The following FRAS1 variants were observed in gnomAD, a reference collection of about 807,000 sequenced individuals.
The protein encoded by FRAS1 is extracellular matrix organizing protein FRAS1.
Under a neutral mutation model 435.2 loss-of-function variants are expected in FRAS1, and 290 were observed. The observed-to-expected ratio is 0.67, with a 90% CI of 0.61 to 0.73. FRAS1 has a LOEUF of 0.73. FRAS1 is among the 30% of genes least tolerant of loss of function. FRAS1 has a pLI of 0.00. For missense variants in FRAS1, 4,860 were observed against 5,001.5 expected (o/e 0.97, Z 0.85); for synonymous variants, 1,800 against 1,851.0 (o/e 0.97, Z 0.71).
At chr4:78,514,235 G>A (rs1215578782) in intron 65 of FRAS1, among the ~76,000 whole-genome samples, 2 of 152,208 alleles carry the variant, frequency 1.3e-5, no homozygotes, top group African/African-American at 2.4e-5. Flanking sequence ...TGCCCCGCAA[G>A]GGCATGACCT....
rs543273435 is a variant in FRAS1, at chr4:78,512,031, A to C, written c.10013+525A>C. 2.6e-5 allele frequency among the ~76,000 whole-genome samples: 4 copies of C among 152,300 alleles called. No homozygotes were observed. The South Asian group carries it at 8.3e-4, about 32-fold the overall frequency. The stretch of plus-strand genomic sequence containing the variant: ...CTGAAGACCATGAGTATGTATTTTG[A>C]GTATCTTCTGCCAGTATAGTGCTTC... On this transcript the variant is annotated intron_variant, in intron 64 of 73. Transcript: ENST00000512123.
At chr4:78,108,817 T>C (rs947290400) in intron 2 of FRAS1, among the ~76,000 whole-genome samples, 2 of 123,666 alleles carry the variant, frequency 1.6e-5, no homozygotes, top group African/African-American at 3.3e-5. Context: ...AGGAGCTGGT[T>C]TTTTGAAAGG....
At chr4:78,126,945 C>A (rs1719394020) in intron 2 of FRAS1, among the ~76,000 whole-genome samples, 1 of 152,140 alleles carries the variant, frequency 6.6e-6, no homozygotes, top group Non-Finnish European at 1.5e-5. Context: ...TCAGAATAAG[C>A]CCCAACCATT....
chr4:78,193,956 G>A (rs1298488754), intron 2 of FRAS1, among the ~76,000 whole-genome samples: 3 of 152,170 alleles, frequency 2.0e-5, no homozygotes, highest in African/African-American at 7.2e-5. Context: ...AGCTCCTTTA[G>A]GGCAGGCCTG....
chr4:78,199,963 A>G (rs890363122), intron 2 of FRAS1, among the ~76,000 whole-genome samples: 1 of 152,206 alleles, frequency 6.6e-6, no homozygotes, highest in Non-Finnish European at 1.5e-5. Flanking sequence ...CTTGTACTTT[A>G]TTTGGGATTA....
intron 2 of FRAS1, among the ~76,000 whole-genome samples, chr4:78,234,053 G>GGGGAGCGTAAGT (rs1724632385): frequency 6.6e-6 from 1 of 152,182 alleles, no homozygotes; most frequent in African/African-American, 2.4e-5. Flanking sequence ...CTCCCAGAGT[G>GGGGAGCGTAAGT]GGGAGCGTAA....
chr4:78,203,447 A>T (rs1349701010), intron 2 of FRAS1, among the ~76,000 whole-genome samples: 2 of 152,214 alleles, frequency 1.3e-5, no homozygotes, highest in Non-Finnish European at 2.9e-5. Context: ...TTTTGGTCAT[A>T]TTCAACATGG....
chr4:78,178,504 T>C (rs1483120720), intron 2 of FRAS1, among the ~76,000 whole-genome samples: 1 of 151,500 alleles, frequency 6.6e-6, no homozygotes, highest in Non-Finnish European at 1.5e-5. Context: ...AACCAACAAG[T>C]ATTAATTTGG....
chr4:78,375,700 C>T (rs907222515), intron 25 of FRAS1, 39 bp from the exon 26 acceptor site: 4 of 1,517,226 alleles, frequency 2.6e-6, no homozygotes, highest in Admixed American at 2.4e-5. Flanking sequence ...GCTGGTGTTG[C>T]CTTGATTGAG....
At chr4:78,462,802 A>G (rs1451472253) in intron 47 of FRAS1, among the ~76,000 whole-genome samples, 1 of 152,238 alleles carries the variant, frequency 6.6e-6, no homozygotes, top group African/African-American at 2.4e-5. Context: ...CAAAAAATTA[A>G]TGCCCCCATA....
intron 2 of FRAS1, among the ~76,000 whole-genome samples, chr4:78,171,692 G>GA (rs895582468): frequency 9.2e-5 from 14 of 152,088 alleles, no homozygotes; most frequent in Non-Finnish European, 1.8e-4. Context: ...CTCCTGGCTG[G>GA]AAAAAATAAA....
chr4:78,320,796 T>C (rs1161016467), intron 18 of FRAS1, among the ~76,000 whole-genome samples: 1 of 152,082 alleles, frequency 6.6e-6, no homozygotes, highest in African/African-American at 2.4e-5. Context: ...ACAGAGGAAT[T>C]AGACCTCCAG....
In FRAS1 at chr4:78,237,593, A is replaced by G. The variant is rs1395589579; in HGVS notation, c.192A>G (p.Arg64=). The G allele has an allele frequency of 6.2e-7, 1 of 1,610,526 alleles. No individual in the cohort carries two copies. Among genetic ancestry groups the G allele is most frequent in the African/African-American group, 1.3e-5 (1 of 74,934 alleles). The part of the protein sequence containing the change: ...DIVICKPAVC[R]NPQCAFEKGE... ...TTATCTGCAAACCTGCTGTTTGCAG[A>G]AACCCTCAATGTGCCTTTGAGAAGG... Residue 64 remains arginine, a synonymous_variant, in exon 3 of 74, where the codon AGA becomes AGG. Coordinates refer to ENST00000512123, the MANE Select transcript of FRAS1 (RefSeq NM_025074.7).
At chr4:78,123,116 C>T (rs113012373) in intron 2 of FRAS1, among the ~76,000 whole-genome samples, 1 of 152,260 alleles carries the variant, frequency 6.6e-6, no homozygotes, top group African/African-American at 2.4e-5. Context: ...CTAGGTCTTA[C>T]GTTTAAGTCT....
In FRAS1 at chr4:78,511,263, C is replaced by T. The variant is rs1189025181; in HGVS notation, c.9781-11C>T. On this transcript the variant is annotated splice_polypyrimidine_tract_variant and intron_variant, in intron 63 of 73. Coordinates refer to ENST00000512123, the MANE Select transcript of FRAS1 (RefSeq NM_025074.7). ...GTACTCACATTGGAGGTGATTTTTT[C>T]TTCCTGTTAGGTCCTGGACAGCATT... is the stretch of plus-strand genomic sequence containing the variant. 1.3e-6 allele frequency: 2 copies of T among 1,559,842 alleles called. No homozygotes were observed. The highest frequency in any genetic ancestry group is 1.2e-5 in the South Asian group (1 of 83,348).
intron 2 of FRAS1, among the ~76,000 whole-genome samples, chr4:78,227,341 AC>A (rs1228133832): frequency 2.6e-5 from 4 of 152,160 alleles, no homozygotes; most frequent in African/African-American, 9.7e-5. Flanking sequence ...AGAATTTAGG[AC>A]CCCTATTCAT....
At chr4:78,494,334 A>C (rs1480353107) in intron 59 of FRAS1, among the ~76,000 whole-genome samples, 1 of 152,162 alleles carries the variant, frequency 6.6e-6, no homozygotes, top group Non-Finnish European at 1.5e-5. Flanking sequence ...TGGGTAGTTC[A>C]TAAAGAAAAG....
At chr4:78,256,835 AAACTC>A (rs1270687842) in intron 6 of FRAS1, among the ~76,000 whole-genome samples, 1 of 152,194 alleles carries the variant, frequency 6.6e-6, no homozygotes, top group Non-Finnish European at 1.5e-5. Context: ...ATACATAAAA[AAACTC>A]AACTGTGAGA....
intron 27 of FRAS1, 76 bp from the exon 28 acceptor site, chr4:78,383,983 T>C (rs776780621): frequency 1.1e-5 from 12 of 1,088,954 alleles, no homozygotes; most frequent in Middle Eastern, 2.1e-4. Context: ...AACCTGAAAA[T>C]GTTTTTAAGC....
Sources: gnomAD v4.1 joint callset for allele counts (sites outside exome capture counted in the v4.1 genomes callset) on GRCh38, gnomAD v4.1.1 for gene constraint, MANE v1.5 for transcripts, NCBI Gene and HGNC (gene_info 2026-07-23, HGNC 2026-07-21) for gene names.